AAGAB: variants seen among roughly 807,000 people sequenced by gnomAD.
AAGAB encodes the protein alpha- and gamma-adaptin-binding protein p34.
Under a neutral mutation model 44.1 loss-of-function variants are expected in AAGAB, and 38 were observed. The ratio of observed to expected loss-of-function variants is 0.86; its 90% CI spans 0.67 to 1.13. AAGAB has a LOEUF of 1.13. Ranked by LOEUF, AAGAB falls within the 50% of genes most tolerant of loss-of-function variation. The pLI is 0.00. For missense variants in AAGAB, 450 were observed against 373.8 expected, an observed-to-expected ratio of 1.20 and a Z score of -1.68; for synonymous variants, 131 against 131.8, an observed-to-expected ratio of 0.99 and a Z score of 0.04.
intron 5 of AAGAB, 106 bp from the exon 6 acceptor site, chr15:67,209,650 A>C: frequency 1.2e-6 from 1 of 865,818 alleles, no homozygotes; most frequent in Non-Finnish European, 1.9e-6. Flanking sequence ...CAAAGTTCTA[A>C]CTACATATAT....
At chr15:67,217,091 CAT>C (rs1293272877) in intron 5 of AAGAB, among the ~76,000 whole-genome samples, 2 of 152,122 alleles carry the variant, frequency 1.3e-5, no homozygotes, top group African/African-American at 2.4e-5. Context: ...GAGATCAACA[CAT>C]ATTTATTTAA....
chr15:67,217,705 T>C (rs1963982411), intron 5 of AAGAB, among the ~76,000 whole-genome samples: 1 of 152,084 alleles, frequency 6.6e-6, no homozygotes, highest in Non-Finnish European at 1.5e-5. Flanking sequence ...GCCCAGCTAA[T>C]TTTTGTATTT....
At chr15:67,214,226 T>G (rs1030368744) in intron 5 of AAGAB, among the ~76,000 whole-genome samples, 13 of 152,380 alleles carry the variant, frequency 8.5e-5, no homozygotes, top group African/African-American at 3.1e-4. Context: ...ATTAAGTCCC[T>G]GGTTTAGACT....
In AAGAB at chr15:67,254,635, T is replaced by A. The variant is rs374270407; in HGVS notation, c.-4A>T. 51 of 1,590,484 alleles carry A rather than the reference T, an allele frequency of 3.2e-5. No individual in the cohort carries two copies. The highest frequency in any genetic ancestry group is 4.4e-5 in the Non-Finnish European group (51 of 1,172,040). On this transcript the variant is annotated 5_prime_UTR_variant, in exon 1 of 10. Coordinates refer to ENST00000261880, the MANE Select transcript of AAGAB (RefSeq NM_024666.5). Reference sequence around the variant, plus strand: ...CACAGGGTACGCCAGCAGCCATAGCTGCGCTCGCGAGCCGGTTCCGTCAGG... The same window carrying A: ...CACAGGGTACGCCAGCAGCCATAGCAGCGCTCGCGAGCCGGTTCCGTCAGG...
chr15:67,234,402 T>C (rs1483607981), intron 4 of AAGAB, among the ~76,000 whole-genome samples: 2 of 152,212 alleles, frequency 1.3e-5, no homozygotes, highest in Non-Finnish European at 2.9e-5. Flanking sequence ...ATACTTTAGA[T>C]GATATAACCA....
chr15:67,241,440 A>G (rs1308987752), intron 1 of AAGAB, among the ~76,000 whole-genome samples: 2 of 152,234 alleles, frequency 1.3e-5, no homozygotes, highest in Admixed American at 6.5e-5. Flanking sequence ...GCCAAGCATC[A>G]TAACCTCTCA....
In AAGAB at chr15:67,216,916, AT is replaced by A. The variant is rs1386170182; in HGVS notation, c.536-7373del. Among the ~76,000 whole-genome samples, 9 of 152,180 alleles carry A rather than the reference AT, an allele frequency of 5.9e-5. No homozygotes were observed. In the South Asian group the frequency reaches 1.9e-3, roughly 31 times the overall value. On this transcript the variant is annotated intron_variant, in intron 5 of 9. Transcript: ENST00000261880. ...AATTTGAAGAGATTTCCCATGATTC[AT>A]TTGCTTACAGTTAATTTTAAGGGTG...
rs1422089020 is a variant in AAGAB, at chr15:67,204,168, C to T, written c.716-20G>A. On this transcript the variant is annotated intron_variant, in intron 7 of 9. Coordinates refer to ENST00000261880, the MANE Select transcript of AAGAB (RefSeq NM_024666.5). ...TGGGATCTGAAATAGGGATTTGTCA[C>T]ATTATCTGTCACGTTATTTGCATAT... 1.3e-6 allele frequency: 2 copies of T among 1,500,692 alleles called. No individual in the cohort carries two copies. The highest frequency in any genetic ancestry group is 2.3e-5 in the South Asian group (2 of 87,536). 93.0% of individuals were successfully genotyped at this position (1,500,692 alleles called of 1,614,324 possible). A position where few individuals can be genotyped will look rare whatever the true frequency, so the allele number is the denominator to read the frequency against.
At chr15:67,205,892 T>TA (rs11411631) in intron 7 of AAGAB, among the ~76,000 whole-genome samples, 68,247 of 151,326 alleles carry the variant, frequency 0.45, 15,801 homozygotes, top group Non-Finnish European at 0.52. Context: ...AATTTACTCT[T>TA]AAAAAAAAAC....
intron 5 of AAGAB, among the ~76,000 whole-genome samples, chr15:67,215,559 G>A (rs543820691): frequency 2.6e-5 from 4 of 152,130 alleles, no homozygotes; most frequent in East Asian, 3.9e-4. Context: ...CCCCTTCCCT[G>A]CACAAAATGT....
At chr15:67,242,447 A>C (rs1596013180) in intron 1 of AAGAB, among the ~76,000 whole-genome samples, 1 of 74,054 alleles carries the variant, frequency 1.4e-5, no homozygotes, top group East Asian at 3.9e-4. Context: ...AAAAAAAAAA[A>C]AAAAAAAAAA....
At chr15:67,231,392 C>A (rs1964331450) in intron 5 of AAGAB, among the ~76,000 whole-genome samples, 1 of 152,186 alleles carries the variant, frequency 6.6e-6, no homozygotes, top group African/African-American at 2.4e-5. Context: ...ATACTTAAGC[C>A]TAACACAACA....
chr15:67,216,169 C>T lies in AAGAB; in HGVS notation c.536-6625G>A, dbSNP rs1285411732. The stretch of plus-strand genomic sequence containing the variant: ...GTATAAAGAAGAAAATTAGGCCAGG[C>T]ACGGTGGCTCACACCTGTAATCCCA... On this transcript the variant is annotated intron_variant, in intron 5 of 9. Transcript: ENST00000261880. Among the ~76,000 whole-genome samples the T allele has an allele frequency of 4.0e-5, 6 of 151,576 alleles. No individual in the cohort carries two copies. In the South Asian group the frequency reaches 6.3e-4, roughly 16 times the overall value.
chr15:67,230,946 T>C (rs1964320247), intron 5 of AAGAB, among the ~76,000 whole-genome samples: 1 of 152,224 alleles, frequency 6.6e-6, no homozygotes, highest in Non-Finnish European at 1.5e-5. Context: ...CACCAATTTT[T>C]ACAGGAAAAA....
chr15:67,226,485 T>C (rs1322356437), intron 5 of AAGAB, among the ~76,000 whole-genome samples: 1 of 152,188 alleles, frequency 6.6e-6, no homozygotes, highest in African/African-American at 2.4e-5. Flanking sequence ...ATCCAAATTC[T>C]TTACCATTTT....
At position 67,231,819 on chromosome 15, in the gene AAGAB, T is replaced by C. The variant is rs1214042938; in HGVS notation, c.530A>G (p.Lys177Arg). 1.2e-6 allele frequency: 2 copies of C among 1,610,300 alleles called. No individual in the cohort carries two copies. The highest frequency in any genetic ancestry group is 2.2e-5 in the South Asian group (2 of 91,030). ...NANVWSNVVM[K>R]NDRNQGFSLL... The stretch of plus-strand genomic sequence containing the variant: ...TTGAGTCCCAAGTTACTTACCATTC[T>C]TCATCACTACATTGGACCACACATT... The change falls in exon 5 of 10, where the codon AAG (lysine) becomes AGG (arginine). Residue 177 changes from lysine (K) to arginine (R), a missense_variant. By Grantham distance (26) the Lys-to-Arg change is conservative. Transcript: ENST00000261880.
chr15:67,223,166 C>T lies in AAGAB; in HGVS notation c.535+8648G>A, dbSNP rs553120805. On this transcript the variant is annotated intron_variant, in intron 5 of 9. Coordinates refer to ENST00000261880, the MANE Select transcript of AAGAB (RefSeq NM_024666.5). Reference sequence around the variant, plus strand: ...TGTTGCAATGTCCCTGGGCTGAGTCCTTGGTCTTCTTTAAGTACTGCATTC... The same window carrying T: ...TGTTGCAATGTCCCTGGGCTGAGTCTTTGGTCTTCTTTAAGTACTGCATTC... Among the ~76,000 whole-genome samples, 5 of 152,254 alleles carry T rather than the reference C, an allele frequency of 3.3e-5. No homozygotes were observed. In the South Asian group the frequency reaches 1.0e-3, roughly 32 times the overall value.
intron 5 of AAGAB, among the ~76,000 whole-genome samples, chr15:67,229,870 T>C (rs935597445): frequency 2.0e-5 from 3 of 152,022 alleles, no homozygotes; most frequent in Non-Finnish European, 2.9e-5. Flanking sequence ...TTGTTTGAAA[T>C]GGAGTCTTGC....
intron 5 of AAGAB, among the ~76,000 whole-genome samples, chr15:67,228,152 A>G (rs951621610): frequency 6.6e-6 from 1 of 152,270 alleles, no homozygotes; most frequent in Admixed American, 6.5e-5. Context: ...CCATAAGTGT[A>G]TATTACAAGG....
Sources: allele counts gnomAD v4.1 joint callset (sites outside exome capture counted in the v4.1 genomes callset), GRCh38; gene constraint gnomAD v4.1.1; transcripts MANE v1.5; gene names NCBI Gene and HGNC (gene_info 2026-07-23, HGNC 2026-07-21).